The following ZNHIT6 variants were observed in gnomAD, a reference collection of about 807,000 sequenced individuals.
ZNHIT6 encodes box C/D snoRNA protein 1.
A neutral mutation model predicts 57.2 loss-of-function variants in ZNHIT6; 45 were observed. The ratio of observed to expected loss-of-function variants is 0.79; its 90% CI spans 0.62 to 1.01. The LOEUF is 1.01. Ranked by LOEUF, ZNHIT6 falls within the 50% of genes least tolerant of loss-of-function variation. The pLI, the probability that ZNHIT6 is intolerant of heterozygous loss-of-function variation, is 0.00. For missense variants in ZNHIT6, 528 were observed against 567.3 expected, an observed-to-expected ratio of 0.93 and a Z score of 0.70; for synonymous variants, 188 against 190.0, an observed-to-expected ratio of 0.99 and a Z score of 0.09.
intron 8 of ZNHIT6, among the ~76,000 whole-genome samples, chr1:85,671,787 G>A (rs562374422): frequency 6.6e-6 from 1 of 152,228 alleles, no homozygotes; most frequent in South Asian, 2.1e-4. Context: ...TCCAAGGTAT[G>A]TATCAAATTA....
intron 4 of ZNHIT6, among the ~76,000 whole-genome samples, chr1:85,705,220 CTTT>C (rs1430028122): frequency 6.6e-6 from 1 of 151,884 alleles, no homozygotes; most frequent in African/African-American, 2.4e-5. Context: ...AGTTTCTTTT[CTTT>C]TTTCTTTTGA....
Position 85,653,078 on chromosome 1 carries a change from GTAA to G in ZNHIT6, c.*977_*979del, listed in dbSNP as rs765110976. ...CTGGTCATCACAACACCCTTCTGCAGTAATGATGAGAGTGGGCTAGGAATGTGA... is the reference window on the plus strand; with the variant it reads ...CTGGTCATCACAACACCCTTCTGCAGTGATGAGAGTGGGCTAGGAATGTGA... On this transcript the variant is annotated 3_prime_UTR_variant, in exon 10 of 10. Transcript: ENST00000370574. 3 of 152,064 alleles carry G rather than the reference GTAA, an allele frequency of 2.0e-5. No homozygotes were observed. The highest frequency in any genetic ancestry group is 4.4e-5 in the Non-Finnish European group (3 of 68,032). The allele number at this position is 152,064 out of a possible 1,614,324, so 9.4% of individuals were successfully genotyped here. A position where few individuals can be genotyped will look rare whatever the true frequency, so the allele number is the denominator to read the frequency against.
intron 8 of ZNHIT6, among the ~76,000 whole-genome samples, chr1:85,667,961 A>AAAAAAATATGTATATATAT: frequency 3.8e-4 from 7 of 18,200 alleles, no homozygotes; most frequent in African/African-American, 1.5e-3. Context: ...AAAAAAAAAA[A>AAAAAAATATGTATATATAT]ATATATATAT....
At chr1:85,701,700 ACTTT>A (rs1662533665) in intron 5 of ZNHIT6, among the ~76,000 whole-genome samples, 2 of 152,274 alleles carry the variant, frequency 1.3e-5, no homozygotes, top group East Asian at 3.9e-4. Context: ...CCCCTGAAAT[ACTTT>A]CTTGGTATCT....
chr1:85,667,946 T>TAAAAAAAAAAAA (rs1471641849), intron 8 of ZNHIT6, among the ~76,000 whole-genome samples: 1 of 3,740 alleles, frequency 2.7e-4, no homozygotes, highest in African/African-American at 9.7e-4. Flanking sequence ...ACTCTCTCTT[T>TAAAAAAAAAAAA]CAAAAAAAAA....
intron 8 of ZNHIT6, among the ~76,000 whole-genome samples, 171 bp from the exon 9 acceptor site, chr1:85,658,142 C>A (rs1661115614): frequency 6.6e-6 from 1 of 152,024 alleles, no homozygotes; most frequent in Non-Finnish European, 1.5e-5. Context: ...AAGGCAGGTA[C>A]AAGAGCTATT....
rs1319042971 is a variant in ZNHIT6, at chr1:85,708,227, C to A, written c.58G>T (p.Glu20Ter). Residue 20 changes from glutamate (E) to a stop codon, truncating the protein, a stop_gained, in exon 1 of 10, where the codon GAG becomes TAG. Coordinates refer to ENST00000370574, the MANE Select transcript of ZNHIT6 (RefSeq NM_017953.4). LOFTEE classifies it high-confidence loss of function. ...KSGGGLHSVA[E>*]GVRLSPEPGR... ...GGCTCTGGACTTAGCCGCACCCCCT[C>A]AGCTACGCTGTGGAGACCTCCCCCA... The A allele has an allele frequency of 6.2e-7, 1 of 1,613,340 alleles. No individual in the cohort carries two copies. The highest frequency in any genetic ancestry group is 1.1e-5 in the South Asian group (1 of 91,068).
At chr1:85,687,233 T>C (rs1055445331) in intron 5 of ZNHIT6, among the ~76,000 whole-genome samples, 1 of 133,222 alleles carries the variant, frequency 7.5e-6, no homozygotes, top group African/African-American at 2.8e-5. Context: ...TGAACTGAGA[T>C]TGTGCCACGG....
chr1:85,680,873 G>A lies in ZNHIT6; in HGVS notation c.1051C>T (p.Gln351Ter), dbSNP rs1276904834. ...TACTCAGCTTGACTTTGAGGAAACT[G>A]GAGCTTCACATGCCAACAAAACTGT... is the stretch of plus-strand genomic sequence containing the variant. ...KQQFCWHVKLQFPQSQAEYIE... is the reference protein window; with the variant it reads ...KQQFCWHVKL The change falls in exon 6 of 10, where the codon CAG becomes TAG. Residue 351 changes from glutamine to a stop codon, truncating the protein, a stop_gained. Transcript: ENST00000370574. LOFTEE classifies it high-confidence loss of function. The A allele has an allele frequency of 6.2e-7, 1 of 1,612,420 alleles. No homozygotes were observed.
chr1:85,670,023 C>T (rs1661508467), intron 8 of ZNHIT6, among the ~76,000 whole-genome samples: 3 of 152,168 alleles, frequency 2.0e-5, no homozygotes, highest in Non-Finnish European at 4.4e-5. Context: ...GCAGGTACTA[C>T]ACTTTCTGAA....
At chr1:85,698,759 T>C (rs1662449996) in intron 5 of ZNHIT6, among the ~76,000 whole-genome samples, 1 of 152,124 alleles carries the variant, frequency 6.6e-6, no homozygotes, top group Non-Finnish European at 1.5e-5. Flanking sequence ...AATAAATCTA[T>C]AGTCATTATT....
At chr1:85,656,979 A>C (rs1349904257) in intron 9 of ZNHIT6, among the ~76,000 whole-genome samples, 1 of 152,120 alleles carries the variant, frequency 6.6e-6, no homozygotes, top group African/African-American at 2.4e-5. Context: ...TATCAATCCA[A>C]GACAAAGATT....
Position 85,708,203 on chromosome 1 carries a change from G to A in ZNHIT6, c.82C>T (p.Pro28Ser). The A allele has an allele frequency of 6.2e-7, 1 of 1,613,988 alleles. No individual in the cohort carries two copies. Among genetic ancestry groups the A allele is most frequent in the South Asian group, 1.1e-5 (1 of 91,072 alleles). The part of the protein sequence containing the change: ...VAEGVRLSPE[P>S]GREGVRDLAG... The stretch of plus-strand genomic sequence containing the variant: ...AAGTCCCTTACTCCCTCCCTGCCAG[G>A]CTCTGGACTTAGCCGCACCCCCTCA... The change falls in exon 1 of 10, where the codon CCT becomes TCT. Residue 28 changes from proline (P) to serine (S), a missense_variant. Pro to Ser is a moderately conservative substitution (Grantham distance 74, BLOSUM62 -1). Coordinates refer to ENST00000370574, the MANE Select transcript of ZNHIT6 (RefSeq NM_017953.4).
At chr1:85,676,144 C>A (rs922773536) in intron 8 of ZNHIT6, among the ~76,000 whole-genome samples, 5 of 151,930 alleles carry the variant, frequency 3.3e-5, no homozygotes, top group Admixed American at 3.3e-4. Flanking sequence ...TGAGACCAGC[C>A]TGACCAACAT....
chr1:85,704,330 C>T (rs890921276), intron 4 of ZNHIT6, among the ~76,000 whole-genome samples: 3 of 152,034 alleles, frequency 2.0e-5, no homozygotes, highest in Admixed American at 6.6e-5. Context: ...AAAGTAGTGG[C>T]ATTGTTTCTA....
At chr1:85,672,660 TTAC>T (rs1661591178) in intron 8 of ZNHIT6, among the ~76,000 whole-genome samples, 1 of 152,142 alleles carries the variant, frequency 6.6e-6, no homozygotes, top group African/African-American at 2.4e-5. Context: ...TCTGTTTTCC[TTAC>T]TACAACAGAA....
chr1:85,654,872 T>C (rs1048576752), intron 9 of ZNHIT6, among the ~76,000 whole-genome samples: 1 of 152,164 alleles, frequency 6.6e-6, no homozygotes. Context: ...ATAGCTGTTA[T>C]CTCCACTGAG....
At chr1:85,673,883 C>A (rs2100670467) in intron 8 of ZNHIT6, among the ~76,000 whole-genome samples, 1 of 152,224 alleles carries the variant, frequency 6.6e-6, no homozygotes, top group East Asian at 1.9e-4. Context: ...AAATCTACGC[C>A]TAAATATATC....
chr1:85,687,307 A>AAAAAAAC (rs1557861217), intron 5 of ZNHIT6, among the ~76,000 whole-genome samples: 1 of 145,650 alleles, frequency 6.9e-6, no homozygotes, highest in African/African-American at 2.5e-5. Flanking sequence ...AACAAAAAAA[A>AAAAAAAC]AAAACAATTT....
Sources: allele counts gnomAD v4.1 joint callset (sites outside exome capture counted in the v4.1 genomes callset), GRCh38; gene constraint gnomAD v4.1.1; transcripts MANE v1.5; gene names NCBI Gene and HGNC (gene_info 2026-07-23, HGNC 2026-07-21).